The following DDX50 variants were observed in gnomAD, a reference collection of about 807,000 sequenced individuals.
DDX50 encodes the protein ATP-dependent RNA helicase DDX50.
DDX50 carries 56 observed loss-of-function variants against 94.8 expected under a neutral mutation model. The observed-to-expected ratio is 0.59, with a 90% CI of 0.48 to 0.74. DDX50 has a LOEUF of 0.74. Among genes scored for constraint, DDX50 ranks in the 30% least tolerant of loss-of-function variants. The pLI, the probability that DDX50 is intolerant of heterozygous loss-of-function variation, is 0.00. For synonymous variants in DDX50, 264 were observed against 295.4 expected (o/e 0.89, Z 1.09); for missense variants, 713 against 881.2 (o/e 0.81, Z 2.42).
chr10:68,908,249 C>G (rs1157432561), intron 2 of DDX50, among the ~76,000 whole-genome samples: 1 of 151,794 alleles, frequency 6.6e-6, no homozygotes, highest in Non-Finnish European at 1.5e-5. Context: ...TCAGGAGTTC[C>G]AAGACCAGCC....
At chr10:68,931,382 T>TA (rs530913846) in intron 8 of DDX50, among the ~76,000 whole-genome samples, 6,064 of 100,174 alleles carry the variant, frequency 0.061, 307 homozygotes, top group Admixed American at 0.12. Flanking sequence ...GACGGATCAT[T>TA]AAAAAAAAAA....
chr10:68,933,258 CAG>C (rs1361328440), intron 8 of DDX50, among the ~76,000 whole-genome samples: 1 of 151,920 alleles, frequency 6.6e-6, no homozygotes, highest in Non-Finnish European at 1.5e-5. Context: ...TTAGTAGAGA[CAG>C]AGTTTCACCA....
At chr10:68,937,173 G>C in intron 12 of DDX50, 78 bp downstream of exon 12, 2 of 1,370,686 alleles carry the variant, frequency 1.5e-6, no homozygotes, top group Non-Finnish European at 9.6e-7. Flanking sequence ...GTGAATTATT[G>C]TGCTTTTTGT....
At chr10:68,917,185 CG>C (rs1841820181) in intron 7 of DDX50, among the ~76,000 whole-genome samples, 1 of 151,850 alleles carries the variant, frequency 6.6e-6, no homozygotes, top group East Asian at 1.9e-4. Context: ...GTTGGCCAGG[CG>C]CAGTGGCTCA....
rs1284445445 is a variant in DDX50, at chr10:68,946,829, C to CT, written c.*203dup. ...TTATACCTTTGAATAAAAAAACCTC[C>CT]TTTTATTGTCTCTTTTCACTTATGT... On this transcript the variant is annotated 3_prime_UTR_variant, in exon 15 of 15. Coordinates refer to ENST00000373585, the MANE Select transcript of DDX50 (RefSeq NM_024045.2). 19 of 639,326 alleles carry CT rather than the reference C, an allele frequency of 3.0e-5. No homozygotes were observed. The highest frequency in any genetic ancestry group is 7.0e-5 in the Admixed American group (2 of 28,458). 39.6% of individuals were successfully genotyped at this position (639,326 alleles called of 1,614,324 possible). A position where few individuals can be genotyped will look rare whatever the true frequency, so the allele number is the denominator to read the frequency against.
intron 8 of DDX50, among the ~76,000 whole-genome samples, chr10:68,929,795 C>T (rs1332306403): frequency 1.4e-5 from 2 of 141,990 alleles, no homozygotes; most frequent in Non-Finnish European, 3.0e-5. Context: ...GGTGCGATGT[C>T]GACTCACTGA....
At chr10:68,930,227 C>T (rs113645439) in intron 8 of DDX50, among the ~76,000 whole-genome samples, 17,761 of 149,612 alleles carry the variant, frequency 0.12, 1,316 homozygotes, top group Admixed American at 0.18. Context: ...AAGCGATTCT[C>T]CTACCTCAGC....
intron 8 of DDX50, among the ~76,000 whole-genome samples, chr10:68,931,447 A>ACACACACACACAC (rs10525578): frequency 1.4e-4 from 19 of 134,956 alleles, no homozygotes; most frequent in South Asian, 2.4e-4. Flanking sequence ...ACACACACAC[A>ACACACACACACAC]ATTTTTTTTT....
Position 68,919,889 on chromosome 10 carries a change from C to G in DDX50, c.1147C>G (p.Gln383Glu), listed in dbSNP as rs371253759. 2 of 1,613,932 alleles carry G rather than the reference C, an allele frequency of 1.2e-6. No homozygotes were observed. Among genetic ancestry groups the G allele is most frequent in the African/African-American group, 2.7e-5 (2 of 74,938 alleles). Reference sequence around the variant, plus strand: ...GCCAGCAGTTATTGGAGATGTCCTTCAAGTCTACAGTGGGTCTGAAGGGAG... The same window carrying G: ...GCCAGCAGTTATTGGAGATGTCCTTGAAGTCTACAGTGGGTCTGAAGGGAG... ...QRPAVIGDVL[Q>E]VYSGSEGRAI... The change falls in exon 8 of 15, where the codon CAA becomes GAA. Residue 383 changes from glutamine (Q) to glutamate (E), a missense_variant. By Grantham distance (29) the Gln-to-Glu change is conservative. Around this residue, in one of 2 missense-constraint regions of DDX50, gnomAD observed 428 missense variants for 602.3 expected, o/e 0.71. Transcript: ENST00000373585.
At chr10:68,915,161 C>T (rs1158993483) in intron 7 of DDX50, among the ~76,000 whole-genome samples, 2 of 152,128 alleles carry the variant, frequency 1.3e-5, no homozygotes, top group African/African-American at 4.8e-5. Context: ...CGCCTGTAAT[C>T]CCAGCATTTT....
At chr10:68,941,695 A>C (rs2132064115) in intron 13 of DDX50, among the ~76,000 whole-genome samples, 1 of 152,136 alleles carries the variant, frequency 6.6e-6, no homozygotes, top group East Asian at 1.9e-4. Context: ...GCTAGAGTGC[A>C]ATGGCACAAT....
intron 13 of DDX50, 117 bp from the exon 14 acceptor site, chr10:68,943,096 A>G: frequency 1.2e-6 from 1 of 865,074 alleles, no homozygotes; most frequent in East Asian, 2.5e-5. Context: ...GTGTTTAGTT[A>G]CTTTTTAAAT....
At position 68,934,053 on chromosome 10, in the gene DDX50, C is replaced by G; in HGVS notation, c.1240-146C>G. The G allele has an allele frequency of 1.7e-6, 1 of 580,434 alleles. No individual in the cohort carries two copies. The allele number at this position is 580,434 out of a possible 1,614,324, so 36.0% of individuals were successfully genotyped here. A position where few individuals can be genotyped will look rare whatever the true frequency, so the allele number is the denominator to read the frequency against. ...GTTAAATATTTTCTGTCATGTTTGA[C>G]TTTTTTTTTTTACAGTAAGCATGCA... On this transcript the variant is annotated intron_variant, in intron 8 of 14. Transcript: ENST00000373585. This position sits in a 1 kb window ranked among gnomAD's most constrained non-coding sequence, Gnocchi z 4.0.
chr10:68,905,598 T>C (rs1242171678), intron 1 of DDX50, among the ~76,000 whole-genome samples: 1 of 152,166 alleles, frequency 6.6e-6, no homozygotes, highest in African/African-American at 2.4e-5. Flanking sequence ...CTCTTACAAC[T>C]TCTGTTTCCT....
rs1589252494 is a variant in DDX50 at position 68,913,070 on chromosome 10, G to A, written c.640-92G>A. Reference sequence around the variant, plus strand: ...CTTCGACATTAATGTTGAGATTCCTGGTTTTAAATGCACCTAAAAAAAGTC... The same window carrying A: ...CTTCGACATTAATGTTGAGATTCCTAGTTTTAAATGCACCTAAAAAAAGTC... On this transcript the variant is annotated intron_variant, in intron 4 of 14. Transcript: ENST00000373585. The A allele has an allele frequency of 1.9e-5, 18 of 952,324 alleles. No individual in the cohort carries two copies. The East Asian group carries it at 4.4e-4, about 23-fold the overall frequency. The allele number at this position is 952,324 out of a possible 1,614,324, so 59.0% of individuals were successfully genotyped here. A position where few individuals can be genotyped will look rare whatever the true frequency, so the allele number is the denominator to read the frequency against.
intron 14 of DDX50, among the ~76,000 whole-genome samples, chr10:68,945,700 G>A (rs1346746917): frequency 1.3e-5 from 2 of 152,138 alleles, no homozygotes; most frequent in African/African-American, 4.8e-5. Context: ...TTACTGATTT[G>A]TATATCTTCA....
rs917857718 is a variant in DDX50, at chr10:68,917,382, C to T, written c.1090-2450C>T. ...GGCTGAGAAAGAAGAATCGCTTGAA[C>T]CAGGAGGCGGAGGTTGCAGTGAGCT... On this transcript the variant is annotated intron_variant, in intron 7 of 14. Transcript: ENST00000373585. Among the ~76,000 whole-genome samples, 14 of 152,180 alleles carry T rather than the reference C, an allele frequency of 9.2e-5. No homozygotes were observed. The East Asian group carries it at 2.7e-3, about 30-fold the overall frequency.
chr10:68,946,490 C>T lies in DDX50; in HGVS notation c.2074C>T (p.Arg692Trp), dbSNP rs182895440. 4.3e-6 allele frequency: 7 copies of T among 1,613,998 alleles called. No homozygotes were observed. Among genetic ancestry groups the T allele is most frequent in the Non-Finnish European group, 5.9e-6 (7 of 1,179,944 alleles). ...AAGTGGTCGATCAGGCCGGTCAGGCCGGTCAGGTGGTCGATCTGGCGGCCG... is the reference window on the plus strand; with the variant it reads ...AAGTGGTCGATCAGGCCGGTCAGGCTGGTCAGGTGGTCGATCTGGCGGCCG... ...WSSGRSGRSG[R>W]SGGRSGGRSG... The change falls in exon 15 of 15, where the codon CGG (arginine) becomes TGG (tryptophan). Residue 692 changes from arginine to tryptophan, a missense_variant. By Grantham distance (101) the Arg-to-Trp change is moderately radical. Around this residue, in one of 2 missense-constraint regions of DDX50, gnomAD observed 428 missense variants for 602.3 expected, o/e 0.71. Transcript: ENST00000373585.
chr10:68,938,957 C>T (rs74469774), intron 12 of DDX50, among the ~76,000 whole-genome samples: 2,207 of 152,120 alleles, frequency 0.015, 67 homozygotes, highest in African/African-American at 0.05. Flanking sequence ...TGGATTTGTC[C>T]GAATCTCTTC....
Sources: gnomAD v4.1 joint callset for allele counts (sites outside exome capture counted in the v4.1 genomes callset) on GRCh38, gnomAD v4.1.1 for gene constraint, gnomAD v4.1.1 regional missense constraint, Gnocchi (gnomAD v3.1) non-coding constraint, MANE v1.5 for transcripts, NCBI Gene and HGNC (gene_info 2026-07-23, HGNC 2026-07-21) for gene names.